AVL9: variants seen among roughly 807,000 people sequenced by gnomAD.
The protein encoded by AVL9 is AVL9 cell migration associated.
Under a neutral mutation model 79.2 loss-of-function variants are expected in AVL9, and 49 were observed. The observed-to-expected ratio is 0.62, with a 90% CI of 0.49 to 0.79. AVL9 has a LOEUF of 0.79. AVL9 is among the 30% of genes least tolerant of loss of function. The pLI is 0.00. For synonymous variants in AVL9, 299 were observed against 280.6 expected, an observed-to-expected ratio of 1.07 and a Z score of -0.65; for missense variants, 682 against 776.8, an observed-to-expected ratio of 0.88 and a Z score of 1.45.
chr7:32,502,341 C>T (rs1328655977), intron 1 of AVL9, among the ~76,000 whole-genome samples: 5 of 139,520 alleles, frequency 3.6e-5, no homozygotes, highest in East Asian at 2.1e-4. Context: ...TGCAGTGAGC[C>T]GAGATGGCAC....
intron 13 of AVL9, among the ~76,000 whole-genome samples, chr7:32,579,560 T>C (rs1230171547): frequency 1.8e-4 from 1 of 5,488 alleles, no homozygotes; most frequent in Non-Finnish European, 3.1e-4. Context: ...TTATATATTA[T>C]ATTATATATT....
chr7:32,569,038 C>T (rs1562794712), intron 10 of AVL9, among the ~76,000 whole-genome samples: 2 of 152,148 alleles, frequency 1.3e-5, no homozygotes, highest in African/African-American at 4.8e-5. Flanking sequence ...ACACACAAAG[C>T]GCTCTCCTAG....
chr7:32,516,450 G>T (rs1042707578), intron 1 of AVL9, among the ~76,000 whole-genome samples: 1 of 152,128 alleles, frequency 6.6e-6, no homozygotes. Flanking sequence ...ATAAATGAGA[G>T]AATGAGTTTC....
rs576145133 is a variant in AVL9 at position 32,541,102 on chromosome 7, C to G, written c.94-2039C>G. Among the ~76,000 whole-genome samples the G allele has an allele frequency of 5.7e-3, 857 of 151,650 alleles. 4 individuals carry two copies. Among genetic ancestry groups the G allele is most frequent in the Non-Finnish European group, 9.0e-3 (613 of 67,866 alleles). On this transcript the variant is annotated intron_variant, in intron 1 of 15. Transcript: ENST00000318709. ...ATTTTTAGTAGAGACGGGGTTTCACCGTTTTAGCCGGGATGGTCTCGATCT... is the reference window on the plus strand; with the variant it reads ...ATTTTTAGTAGAGACGGGGTTTCACGGTTTTAGCCGGGATGGTCTCGATCT...
At chr7:32,503,645 A>G (rs111441080) in intron 1 of AVL9, among the ~76,000 whole-genome samples, 2,440 of 150,458 alleles carry the variant, frequency 0.016, 65 homozygotes, top group African/African-American at 0.056. Flanking sequence ...GTCACAGGGT[A>G]TGCTGAGTGT....
At chr7:32,560,265 AAC>A (rs1037835157) in intron 10 of AVL9, among the ~76,000 whole-genome samples, 6 of 13,790 alleles carry the variant, frequency 4.4e-4, no homozygotes, top group African/African-American at 6.1e-4. Flanking sequence ...ATTTTAAAAA[AAC>A]AACAAAGTGA....
intron 1 of AVL9, among the ~76,000 whole-genome samples, chr7:32,513,925 C>CAT (rs989892649): frequency 2.0e-5 from 3 of 152,192 alleles, no homozygotes; most frequent in African/African-American, 7.2e-5. Flanking sequence ...TGGATGTGCA[C>CAT]ATAGGCTAGT....
rs553633070 is a variant in AVL9, at chr7:32,568,443, C to G, written c.1216-1577C>G. Among the ~76,000 whole-genome samples, 10 of 152,098 alleles carry G rather than the reference C, an allele frequency of 6.6e-5. No homozygotes were observed. The South Asian group carries it at 8.3e-4, about 13-fold the overall frequency. On this transcript the variant is annotated intron_variant, in intron 10 of 15. Transcript: ENST00000318709. The stretch of plus-strand genomic sequence containing the variant: ...CTCGAACTCCTGACCTCAAGTGATC[C>G]GCCTGCCTCAGCCTCCCAAAATGCT...
chr7:32,570,671 G>A (rs1790791839), intron 11 of AVL9, among the ~76,000 whole-genome samples: 1 of 150,972 alleles, frequency 6.6e-6, no homozygotes. Context: ...CCAGGCTGGA[G>A]TGCAATGGCG....
In AVL9 at chr7:32,544,733, G is replaced by A; in HGVS notation, c.254G>A (p.Gly85Glu). The change falls in exon 3 of 16, where the codon GGA becomes GAA. Residue 85 changes from glycine to glutamate, a missense_variant. Coordinates refer to ENST00000318709, the MANE Select transcript of AVL9 (RefSeq NM_015060.3). ...CACTTGCCACCCAGAAATGGAAATG[G>A]AGCCACAGTATTTGGTATCTCTTGC... ...FFHLPPRNGN[G>E]ATVFGISCYR... 1 of 1,613,766 alleles carries A rather than the reference G, an allele frequency of 6.2e-7. No individual in the cohort carries two copies. Among genetic ancestry groups the A allele is most frequent in the East Asian group, 2.2e-5 (1 of 44,816 alleles).
rs138466540 is a variant in AVL9 at position 32,519,138 on chromosome 7, T to C, written c.93+23336T>C. On this transcript the variant is annotated intron_variant, in intron 1 of 15. Transcript: ENST00000318709. ...AGTTCTAATTTGACTTAAAGAAATGTAAGGGCTTGGCCGGGCATGGTGGCT... is the reference window on the plus strand; with the variant it reads ...AGTTCTAATTTGACTTAAAGAAATGCAAGGGCTTGGCCGGGCATGGTGGCT... Among the ~76,000 whole-genome samples, 23 of 152,242 alleles carry C rather than the reference T, an allele frequency of 1.5e-4. No homozygotes were observed. The East Asian group carries it at 4.4e-3, about 29-fold the overall frequency.
In AVL9 at chr7:32,559,285, G is replaced by C. The variant is rs1009562155; in HGVS notation, c.1036G>C (p.Glu346Gln). ...TGTCTTAGAGGACCCCAACTTGAAA[G>C]AAAGGGAACAGCTGGGATCAGACCA... is the stretch of plus-strand genomic sequence containing the variant. ...PSVLEDPNLK[E>Q]REQLGSDQTN... The change falls in exon 10 of 16, where the codon GAA becomes CAA. Residue 346 changes from glutamate (E) to glutamine (Q), a missense_variant. By Grantham distance (29) the Glu-to-Gln change is conservative. Transcript: ENST00000318709. 48 of 1,614,196 alleles carry C rather than the reference G, an allele frequency of 3.0e-5. No homozygotes were observed. The highest frequency in any genetic ancestry group is 3.9e-5 in the Non-Finnish European group (46 of 1,180,036).
intron 1 of AVL9, chr7:32,535,005 A>G (rs1788831617): frequency 6.6e-6 from 1 of 152,210 alleles, no homozygotes; most frequent in Non-Finnish European, 1.5e-5. Context: ...TGGTACAGAA[A>G]GGAAGACACT....
At position 32,570,001 on chromosome 7, in the gene AVL9, T is replaced by C. The variant is rs747194274; in HGVS notation, c.1216-19T>C. 3 of 1,613,092 alleles carry C rather than the reference T, an allele frequency of 1.9e-6. No homozygotes were observed. Among genetic ancestry groups the C allele is most frequent in the African/African-American group, 2.7e-5 (2 of 74,916 alleles). ...CCTTTTACTTTTCTGATATTTTCTA[T>C]TACTCTTCTAATTCATAGGGATATC... is the stretch of plus-strand genomic sequence containing the variant. On this transcript the variant is annotated intron_variant, in intron 10 of 15. Transcript: ENST00000318709.
intron 8 of AVL9, among the ~76,000 whole-genome samples, chr7:32,556,485 G>C (rs181975932): frequency 6.6e-5 from 10 of 151,616 alleles, no homozygotes; most frequent in African/African-American, 2.4e-4. Context: ...CTGCACTCTA[G>C]CCTGGGTGAC....
At chr7:32,525,896 T>G (rs1788381385) in intron 1 of AVL9, among the ~76,000 whole-genome samples, 1 of 152,194 alleles carries the variant, frequency 6.6e-6, no homozygotes, top group Non-Finnish European at 1.5e-5. Context: ...CACTGGTTTT[T>G]GTCACACAAC....
At chr7:32,528,708 C>T (rs923741451) in intron 1 of AVL9, among the ~76,000 whole-genome samples, 1 of 152,116 alleles carries the variant, frequency 6.6e-6, no homozygotes, top group East Asian at 1.9e-4. Context: ...TAATAGCTGC[C>T]GTTTATTAAA....
chr7:32,578,727 T>G (rs1308067054), intron 13 of AVL9, among the ~76,000 whole-genome samples: 1 of 152,142 alleles, frequency 6.6e-6, no homozygotes, highest in Non-Finnish European at 1.5e-5. Flanking sequence ...GAGAATCGCT[T>G]GAACCTGGGA....
At chr7:32,532,349 A>G (rs1788695046) in intron 1 of AVL9, 1 of 152,188 alleles carries the variant, frequency 6.6e-6, no homozygotes, top group African/African-American at 2.4e-5. Context: ...ATGAAAGGCA[A>G]TATTCTAGTG....
Sources: allele counts gnomAD v4.1 joint callset (sites outside exome capture counted in the v4.1 genomes callset), GRCh38; gene constraint gnomAD v4.1.1; transcripts MANE v1.5; gene names NCBI Gene and HGNC (gene_info 2026-07-23, HGNC 2026-07-21).